Variants in FTO observed in about 807,000 individuals in gnomAD.
FTO encodes the protein alpha-ketoglutarate-dependent dioxygenase FTO.
FTO carries 47 observed loss-of-function variants against 63.9 expected under a neutral mutation model. The observed-to-expected ratio is 0.74, with a 90% CI of 0.58 to 0.94. The LOEUF is 0.94. Ranked by LOEUF, FTO falls within the 40% of genes least tolerant of loss-of-function variation. The probability of loss-of-function intolerance (pLI) is 0.00; values close to 1 mark genes in which losing one functional copy is unlikely to be tolerated. For synonymous variants in FTO, 207 were observed against 224.4 expected (o/e 0.92, Z 0.69); for missense variants, 562 against 618.1 (o/e 0.91, Z 0.96).
At chr16:53,743,640 C>T (rs1246978007) in intron 1 of FTO, among the ~76,000 whole-genome samples, 3 of 150,270 alleles carry the variant, frequency 2.0e-5, no homozygotes, top group Non-Finnish European at 1.5e-5. Flanking sequence ...ATTTTTAATA[C>T]AGCTTATTAT....
intron 3 of FTO, among the ~76,000 whole-genome samples, chr16:53,829,597 T>C (rs1193138864): frequency 1.3e-5 from 2 of 152,124 alleles, no homozygotes; most frequent in Admixed American, 6.5e-5. Context: ...AAAATTTTGG[T>C]TGAGGTTGAG....
intron 8 of FTO, among the ~76,000 whole-genome samples, chr16:53,974,767 C>T (rs2083398542): frequency 6.6e-6 from 1 of 151,098 alleles, no homozygotes; most frequent in South Asian, 2.1e-4. Flanking sequence ...TCATTCTGCA[C>T]TGTTTTAGAG....
At chr16:54,094,923 C>T (rs1180106622) in intron 8 of FTO, among the ~76,000 whole-genome samples, 3 of 152,136 alleles carry the variant, frequency 2.0e-5, no homozygotes, top group Non-Finnish European at 4.4e-5. Context: ...CCGGCGGTTC[C>T]CCATCTCACT....
At chr16:53,746,627 T>C (rs1489566060) in intron 1 of FTO, among the ~76,000 whole-genome samples, 1 of 152,228 alleles carries the variant, frequency 6.6e-6, no homozygotes, top group African/African-American at 2.4e-5. Flanking sequence ...AGTGATGTTA[T>C]AATTTATGAA....
At chr16:53,857,468 T>TA (rs34270264) in intron 4 of FTO, among the ~76,000 whole-genome samples, 4,546 of 124,810 alleles carry the variant, frequency 0.036, 163 homozygotes, top group East Asian at 0.14. Context: ...CTCTCTCTCT[T>TA]TCTATATATA....
chr16:54,091,624 G>T (rs116568655), intron 8 of FTO, among the ~76,000 whole-genome samples: 4 of 152,220 alleles, frequency 2.6e-5, no homozygotes, highest in African/African-American at 9.7e-5. Context: ...AAATCTGCGG[G>T]TTGGATGGAT....
intron 1 of FTO, among the ~76,000 whole-genome samples, chr16:53,771,479 C>G (rs1159752056): frequency 6.6e-6 from 1 of 151,900 alleles, no homozygotes; most frequent in Non-Finnish European, 1.5e-5. Flanking sequence ...TTGCTTCTTT[C>G]CTTGCCTTTC....
intron 8 of FTO, among the ~76,000 whole-genome samples, chr16:54,016,292 GAA>G (rs35786461): frequency 4.7e-5 from 3 of 63,226 alleles, no homozygotes; most frequent in Non-Finnish European, 2.6e-5. Flanking sequence ...GACTTGTCAT[GAA>G]AAAAAAAAAA....
At chr16:54,029,397 C>A (rs1286526727) in intron 8 of FTO, among the ~76,000 whole-genome samples, 1 of 152,132 alleles carries the variant, frequency 6.6e-6, no homozygotes, top group Non-Finnish European at 1.5e-5. Context: ...GCAGTAGCCC[C>A]TGAACAAAGA....
At chr16:54,083,962 A>T (rs74609213) in intron 8 of FTO, among the ~76,000 whole-genome samples, 3,815 of 152,262 alleles carry the variant, frequency 0.025, 162 homozygotes, top group African/African-American at 0.087. Flanking sequence ...CCAAAATCTG[A>T]AATCCGAAAT....
intron 4 of FTO, among the ~76,000 whole-genome samples, chr16:53,844,932 A>C (rs1392154730): frequency 7.0e-6 from 1 of 142,040 alleles, no homozygotes; most frequent in African/African-American, 2.6e-5. Flanking sequence ...TTTTTCTTCT[A>C]GTTTTGAATG....
chr16:53,911,509 GGAAGATAGGT>G, intron 7 of FTO: 1 of 702,848 alleles, frequency 1.4e-6, no homozygotes, highest in Non-Finnish European at 2.6e-6. Flanking sequence ...ACAAGGTGGG[GGAAGATAGGT>G]GAATCTATAG....
rs1461529999 is a variant in FTO at position 54,120,160 on chromosome 16, A to T, written c.*8245A>T. 5.9e-5 allele frequency: 9 copies of T among 152,250 alleles called. No homozygotes were observed. The highest frequency in any genetic ancestry group is 1.5e-5 in the Non-Finnish European group (1 of 68,050). The allele number at this position is 152,250 out of a possible 1,614,324, so 9.4% of individuals were successfully genotyped here. A position where few individuals can be genotyped will look rare whatever the true frequency, so the allele number is the denominator to read the frequency against. On this transcript the variant is annotated 3_prime_UTR_variant, in exon 9 of 9. Transcript: ENST00000471389. ...AAAGTGAATTTGACAGCCTTGGGCCAGCAAAACTCTGTACCCAGCAGAAAA... is the reference window on the plus strand; with the variant it reads ...AAAGTGAATTTGACAGCCTTGGGCCTGCAAAACTCTGTACCCAGCAGAAAA...
intron 1 of FTO, among the ~76,000 whole-genome samples, chr16:53,741,246 T>C (rs1039358941): frequency 2.0e-5 from 3 of 152,212 alleles, no homozygotes; most frequent in South Asian, 2.1e-4. Context: ...TGGACCTTTA[T>C]AGAAAAAAAA....
chr16:53,945,197 G>C (rs1376619521), intron 8 of FTO, among the ~76,000 whole-genome samples: 1 of 152,218 alleles, frequency 6.6e-6, no homozygotes, highest in Non-Finnish European at 1.5e-5. Flanking sequence ...CGGGAGCAGG[G>C]AAAAGTGGAT....
At chr16:54,083,851 C>G (rs149259329) in intron 8 of FTO, among the ~76,000 whole-genome samples, 133 of 152,278 alleles carry the variant, frequency 8.7e-4, no homozygotes, top group African/African-American at 2.9e-3. Context: ...GGAAGCAAGG[C>G]AACATTGGGT....
intron 7 of FTO, among the ~76,000 whole-genome samples, chr16:53,920,395 A>G (rs951708492): frequency 6.6e-5 from 10 of 152,200 alleles, no homozygotes; most frequent in African/African-American, 2.2e-4. Flanking sequence ...ATCACCAAAA[A>G]TAATTTTTTC....
At position 54,120,119 on chromosome 16, in the gene FTO, A is replaced by T. The variant is rs2086995457; in HGVS notation, c.*8204A>T. 6.6e-6 allele frequency: 1 copy of T among 152,272 alleles called. No individual in the cohort carries two copies. Among genetic ancestry groups the T allele is most frequent in the Admixed American group, 6.5e-5 (1 of 15,292 alleles). 9.4% of individuals were successfully genotyped at this position (152,272 alleles called of 1,614,324 possible). A position where few individuals can be genotyped will look rare whatever the true frequency, so the allele number is the denominator to read the frequency against. ...AAATTGTTCTGAAAGCATGAAGCCC[A>T]GCTGAGGCCAAAATCAAAGTGAATT... On this transcript the variant is annotated 3_prime_UTR_variant, in exon 9 of 9. Coordinates refer to ENST00000471389, the MANE Select transcript of FTO (RefSeq NM_001080432.3).
At chr16:54,019,762 G>A (rs752999696) in intron 8 of FTO, among the ~76,000 whole-genome samples, 6 of 152,154 alleles carry the variant, frequency 3.9e-5, no homozygotes, top group Non-Finnish European at 5.9e-5. Context: ...TGAGATGAAA[G>A]TTTACAGCCT....
Sources: gnomAD v4.1 joint callset for allele counts (sites outside exome capture counted in the v4.1 genomes callset) on GRCh38, gnomAD v4.1.1 for gene constraint, MANE v1.5 for transcripts, NCBI Gene and HGNC (gene_info 2026-07-23, HGNC 2026-07-21) for gene names.